The following CCSER1 variants were observed in gnomAD, a reference collection of about 807,000 sequenced individuals.
CCSER1 encodes coiled-coil serine rich protein 1.
In CCSER1, 41 loss-of-function variants were observed where a neutral mutation model predicts 82.0. The ratio of observed to expected loss-of-function variants is 0.50; its 90% CI spans 0.39 to 0.65. CCSER1 has a LOEUF of 0.65. Ranked by LOEUF, CCSER1 falls within the 30% of genes least tolerant of loss-of-function variation. The pLI, the probability that CCSER1 is intolerant of heterozygous loss-of-function variation, is 0.00. For missense variants in CCSER1, 1,119 were observed against 1,064.2 expected, an observed-to-expected ratio of 1.05 and a Z score of -0.72; for synonymous variants, 414 against 383.9, an observed-to-expected ratio of 1.08 and a Z score of -0.92.
chr4:90,700,654 T>C (rs1737886514), intron 6 of CCSER1, among the ~76,000 whole-genome samples: 1 of 152,158 alleles, frequency 6.6e-6, no homozygotes, highest in Non-Finnish European at 1.5e-5. Flanking sequence ...GCACCTGTTG[T>C]TTCCTGACTT....
chr4:90,807,651 CA>C (rs3042345), intron 7 of CCSER1, among the ~76,000 whole-genome samples: 78,080 of 139,644 alleles, frequency 0.56, 20,584 homozygotes, highest in East Asian at 0.65. Flanking sequence ...TTTACATTTG[CA>C]AAAAAAAAAA....
intron 10 of CCSER1, among the ~76,000 whole-genome samples, chr4:91,191,021 T>C (rs1246031911): frequency 6.6e-6 from 1 of 152,224 alleles, no homozygotes; most frequent in Non-Finnish European, 1.5e-5. Flanking sequence ...GGATGCTTTA[T>C]AACATATGCT....
intron 6 of CCSER1, among the ~76,000 whole-genome samples, chr4:90,691,971 A>G (rs1223986092): frequency 6.7e-6 from 1 of 149,912 alleles, no homozygotes; most frequent in Non-Finnish European, 1.5e-5. Flanking sequence ...GAACACACCA[A>G]AAAATAACTA....
rs139434034 is a variant in CCSER1 at position 90,458,798 on chromosome 4, G to A, written c.1604-9436G>A. Among the ~76,000 whole-genome samples the A allele has an allele frequency of 5.3e-3, 808 of 152,326 alleles. 3 individuals are homozygous for A. The highest frequency in any genetic ancestry group is 7.2e-3 in the Non-Finnish European group (490 of 68,038). ...TTCTAATATTATGTGTGGAATTTTTGTCAGTGATGAAGGACTTCACAGACC... is the reference window on the plus strand; with the variant it reads ...TTCTAATATTATGTGTGGAATTTTTATCAGTGATGAAGGACTTCACAGACC... On this transcript the variant is annotated intron_variant, in intron 4 of 10. Transcript: ENST00000509176.
At chr4:91,227,649 G>GT (rs1436098757) in intron 10 of CCSER1, among the ~76,000 whole-genome samples, 1 of 151,478 alleles carries the variant, frequency 6.6e-6, no homozygotes, top group Non-Finnish European at 1.5e-5. Flanking sequence ...CAATAAGATA[G>GT]TTTTTCAATT....
intron 10 of CCSER1, among the ~76,000 whole-genome samples, chr4:91,155,777 G>A (rs1282067751): frequency 6.6e-6 from 1 of 151,848 alleles, no homozygotes; most frequent in Admixed American, 6.6e-5. Flanking sequence ...TATTGAAGGG[G>A]ATGGAGAAAC....
intron 5 of CCSER1, among the ~76,000 whole-genome samples, chr4:90,562,536 T>TTTTA (rs1373151620): frequency 2.6e-5 from 4 of 151,992 alleles, no homozygotes; most frequent in South Asian, 2.1e-4. Context: ...ACATTTTATT[T>TTTTA]TTTATTTATT....
chr4:90,842,529 A>G (rs532290675), intron 8 of CCSER1, among the ~76,000 whole-genome samples: 1 of 152,308 alleles, frequency 6.6e-6, no homozygotes, highest in East Asian at 1.9e-4. Flanking sequence ...CAGAAAGGGA[A>G]GGAGGAGGAA....
chr4:91,017,841 G>GTA (rs55954135), intron 9 of CCSER1, among the ~76,000 whole-genome samples: 38,662 of 142,242 alleles, frequency 0.27, 6,031 homozygotes, highest in Non-Finnish European at 0.36. Context: ...GTGTGTGTGT[G>GTA]TATAAATTTT....
chr4:90,720,071 T>C (rs1742400538), intron 6 of CCSER1, among the ~76,000 whole-genome samples: 1 of 152,184 alleles, frequency 6.6e-6, no homozygotes. Flanking sequence ...TATGTTGTTG[T>C]TCGAATTGTT....
At chr4:90,505,017 A>G (rs1276208542) in intron 5 of CCSER1, among the ~76,000 whole-genome samples, 2 of 152,198 alleles carry the variant, frequency 1.3e-5, no homozygotes, top group Admixed American at 1.3e-4. Context: ...ACAGAACAAC[A>G]TGATTTTGGC....
chr4:90,375,797 T>C (rs983651599), intron 3 of CCSER1, among the ~76,000 whole-genome samples: 3 of 152,174 alleles, frequency 2.0e-5, no homozygotes, highest in African/African-American at 7.2e-5. Flanking sequence ...AGCAGACACA[T>C]ACCATTTGCT....
intron 1 of CCSER1, among the ~76,000 whole-genome samples, chr4:90,262,595 T>C (rs11945084): frequency 0.043 from 6,502 of 152,224 alleles, 357 homozygotes; most frequent in African/African-American, 0.13. Flanking sequence ...TAGGAATCAG[T>C]TGTTGCTAAA....
intron 5 of CCSER1, among the ~76,000 whole-genome samples, chr4:90,490,540 G>A (rs938835907): frequency 2.0e-5 from 3 of 152,070 alleles, no homozygotes; most frequent in Non-Finnish European, 4.4e-5. Flanking sequence ...GATCCCATTT[G>A]CCAATTTTAG....
intron 9 of CCSER1, among the ~76,000 whole-genome samples, chr4:90,965,057 G>A (rs10021153): frequency 0.038 from 5,810 of 152,082 alleles, 153 homozygotes; most frequent in Middle Eastern, 0.085. Context: ...TATTTGAATT[G>A]TCTACCAGCT....
At chr4:91,512,307 G>T (rs1227842577) in intron 10 of CCSER1, among the ~76,000 whole-genome samples, 1 of 152,174 alleles carries the variant, frequency 6.6e-6, no homozygotes, top group African/African-American at 2.4e-5. Flanking sequence ...AAGTTGGAAG[G>T]ACTTGATTTG....
chr4:90,772,463 C>A, intron 7 of CCSER1, among the ~76,000 whole-genome samples: 1 of 152,066 alleles, frequency 6.6e-6, no homozygotes, highest in East Asian at 1.9e-4. Context: ...CAGAAAATGT[C>A]AGGTATAACT....
chr4:90,856,030 T>G (rs1764428413), intron 8 of CCSER1, among the ~76,000 whole-genome samples: 1 of 152,148 alleles, frequency 6.6e-6, no homozygotes, highest in Non-Finnish European at 1.5e-5. Context: ...TCAATATATT[T>G]ATAGCACTCA....
At chr4:91,223,519 G>A (rs900489335) in intron 10 of CCSER1, among the ~76,000 whole-genome samples, 1 of 152,058 alleles carries the variant, frequency 6.6e-6, no homozygotes, top group East Asian at 1.9e-4. Flanking sequence ...ATTCCAAAGG[G>A]GGAAAAATCA....
Sources: allele counts gnomAD v4.1 joint callset (sites outside exome capture counted in the v4.1 genomes callset), GRCh38; gene constraint gnomAD v4.1.1; transcripts MANE v1.5; gene names NCBI Gene and HGNC (gene_info 2026-07-23, HGNC 2026-07-21).